Variants in PHKA2 observed in about 807,000 individuals in gnomAD.
The protein encoded by PHKA2 is phosphorylase b kinase regulatory subunit alpha, liver isoform.
A neutral mutation model predicts 102.0 loss-of-function variants in PHKA2; 31 were observed. The observed-to-expected ratio is 0.30, with a 90% confidence interval of 0.23 to 0.41. PHKA2 has a LOEUF of 0.41. Among genes scored for constraint, PHKA2 ranks in the 10% least tolerant of loss-of-function variants. The probability of loss-of-function intolerance (pLI) is 1.00; values close to 1 mark genes in which losing one functional copy is unlikely to be tolerated. For missense variants in PHKA2, 858 were observed against 1,023.1 expected, an observed-to-expected ratio of 0.84 and a Z score of 2.20; for synonymous variants, 455 against 416.2, an observed-to-expected ratio of 1.09 and a Z score of -1.13.
intron 1 of PHKA2, among the ~76,000 whole-genome samples, chrX:18,983,504 G>A (rs1309280935): frequency 8.9e-6 from 1 of 112,217 alleles, no homozygotes; most frequent in African/African-American, 3.2e-5. Flanking sequence ...CCTGTCTACT[G>A]TTCTCATTCA....
chrX:18,958,547 C>T (rs1355308082), intron 1 of PHKA2, among the ~76,000 whole-genome samples: 2 of 108,132 alleles, frequency 1.8e-5, no homozygotes, highest in Non-Finnish European at 3.8e-5. Context: ...TTTTGTCAGT[C>T]TGATGGATGT....
At chrX:18,936,561 A>G (rs1407796977) in intron 10 of PHKA2, among the ~76,000 whole-genome samples, 2 of 112,401 alleles carry the variant, frequency 1.8e-5, no homozygotes, top group Non-Finnish European at 3.8e-5. Flanking sequence ...TTGTCTCAGT[A>G]ACCGGATTAT....
At chrX:18,958,941 C>G (rs1396335317) in intron 1 of PHKA2, among the ~76,000 whole-genome samples, 2 of 111,948 alleles carry the variant, frequency 1.8e-5, no homozygotes, top group Non-Finnish European at 3.8e-5. Flanking sequence ...AACTCCTGAC[C>G]TCAAGTGATC....
At chrX:18,906,464 G>C (rs1472626752) in intron 25 of PHKA2, 31 bp downstream of exon 25, 1 of 1,208,744 alleles carries the variant, frequency 8.3e-7, no homozygotes, top group Admixed American at 2.2e-5. Context: ...GTGGGGTGCG[G>C]CGGGAGCTGC....
chrX:18,942,864 A>T (rs1348336486), intron 7 of PHKA2, among the ~76,000 whole-genome samples: 1 of 108,466 alleles, frequency 9.2e-6, no homozygotes, highest in Non-Finnish European at 1.9e-5. Flanking sequence ...AAAAAAAAAA[A>T]ATAGACTATA....
At chrX:18,975,423 C>T (rs1199953126) in intron 1 of PHKA2, among the ~76,000 whole-genome samples, 4 of 111,850 alleles carry the variant, frequency 3.6e-5, no homozygotes, top group East Asian at 2.8e-4. Flanking sequence ...TCCCCAGCCA[C>T]GTGGAACTGT....
chrX:18,937,950 G>A (rs1041736727), intron 10 of PHKA2, among the ~76,000 whole-genome samples: 1 of 111,991 alleles, frequency 8.9e-6, no homozygotes, highest in Non-Finnish European at 1.9e-5. Flanking sequence ...GCTAAAGACA[G>A]CAAACCACTG....
At chrX:18,939,268 T>C (rs1352610697) in intron 9 of PHKA2, among the ~76,000 whole-genome samples, 1 of 111,357 alleles carries the variant, frequency 9.0e-6, no homozygotes, top group Non-Finnish European at 1.9e-5. Context: ...CTTGACCTCC[T>C]GGGCTCAAGT....
chrX:18,941,440 C>T, intron 8 of PHKA2, 89 bp downstream of exon 8: 3 of 831,781 alleles, frequency 3.6e-6, no homozygotes, highest in Non-Finnish European at 5.5e-6. Context: ...ATAAATCAAG[C>T]AATTAACCTC....
chrX:18,951,111 G>C lies in PHKA2; in HGVS notation c.447C>G (p.Thr149=), dbSNP rs145847640. 3 of 1,210,043 alleles carry C rather than the reference G, an allele frequency of 2.5e-6. No individual in the cohort carries two copies. The East Asian group carries it at 8.9e-5, about 36-fold the overall frequency. ...CCAGCAACCCCAGCTCACCTGAGGCGGTCATCTGGGCCAGGAACAGGAGGA... is the reference window on the plus strand; with the variant it reads ...CCAGCAACCCCAGCTCACCTGAGGCCGTCATCTGGGCCAGGAACAGGAGGA... ...SLFLLFLAQM[T]ASGLRIIFTL... is the part of the protein sequence containing the mutation. The change falls in exon 4 of 33, where the codon ACC becomes ACG. Residue 149 remains threonine, a synonymous_variant. Coordinates refer to ENST00000379942, the MANE Select transcript of PHKA2 (RefSeq NM_000292.3).
chrX:18,935,616 T>C (rs1306731953), intron 11 of PHKA2, among the ~76,000 whole-genome samples: 1 of 109,718 alleles, frequency 9.1e-6, no homozygotes, highest in Non-Finnish European at 1.9e-5. Flanking sequence ...GGCTTTTTTT[T>C]TTTTGAGATG....
rs748884082 is a variant in PHKA2, at chrX:18,918,842, T to C, written c.1976A>G (p.Glu659Gly). 4.1e-6 allele frequency: 5 copies of C among 1,208,811 alleles called. No homozygotes were observed. The highest frequency in any genetic ancestry group is 5.6e-6 in the Non-Finnish European group (5 of 894,429). Residue 659 changes from glutamate (E) to glycine (G), a missense_variant, in exon 19 of 33, where the codon GAA becomes GGA. Coordinates refer to ENST00000379942, the MANE Select transcript of PHKA2 (RefSeq NM_000292.3). The stretch of plus-strand genomic sequence containing the variant: ...AAGGTGGTTGATATAATGGTCAAGT[T>C]CGTCTTGGCTTTCTGTAATTGGACA... ...EDTCNQESQDELDHYINHLLQ... is the reference protein window; with the variant it reads ...EDTCNQESQDGLDHYINHLLQ...
At chrX:18,959,942 G>A (rs2048843785) in intron 1 of PHKA2, among the ~76,000 whole-genome samples, 2 of 111,193 alleles carry the variant, frequency 1.8e-5, no homozygotes, top group African/African-American at 3.3e-5. Flanking sequence ...AGAGACAGAG[G>A]AGCCTAATAG....
intron 28 of PHKA2, among the ~76,000 whole-genome samples, chrX:18,899,876 C>T (rs2047645697): frequency 9.0e-6 from 1 of 111,546 alleles, no homozygotes; most frequent in Non-Finnish European, 1.9e-5. Context: ...AAAGTTTGTA[C>T]TAGCTAGGTG....
In PHKA2 at chrX:18,908,028, CAG is replaced by C; in HGVS notation, c.2387_2388del (p.Ser796TrpfsTer13). On this transcript the variant is annotated frameshift_variant, in exon 22 of 33. Coordinates refer to ENST00000379942, the MANE Select transcript of PHKA2 (RefSeq NM_000292.3). LOFTEE classifies it high-confidence loss of function. ...IKGPSWDTNL[S>X]GQHGVTVQNL... ...TTTTGAACGGTGACCCCGTGCTGTC[CAG>C]AGAGATTTGTGTCCCAGCTGGGACC... 1 of 1,211,478 alleles carries C rather than the reference CAG, an allele frequency of 8.3e-7. No individual in the cohort carries two copies. The highest frequency in any genetic ancestry group is 1.1e-6 in the Non-Finnish European group (1 of 895,168).
intron 11 of PHKA2, 40 bp from the exon 12 acceptor site, chrX:18,931,788 A>G (rs2048319965): frequency 4.3e-6 from 4 of 920,470 alleles, no homozygotes; most frequent in Non-Finnish European, 6.3e-6. Flanking sequence ...AAGTCAGAGG[A>G]TAAAATGGCC....
intron 15 of PHKA2, among the ~76,000 whole-genome samples, chrX:18,925,275 T>C (rs780278183): frequency 8.9e-6 from 1 of 112,646 alleles, no homozygotes; most frequent in South Asian, 3.7e-4. Context: ...GTAAGTTCCA[T>C]GAGTACATTC....
In PHKA2 at chrX:18,897,149, G is replaced by T; in HGVS notation, c.3282+14C>A. Reference sequence around the variant, plus strand: ...GGACGGTTCACTTCCCCAGGAGCTCGCGTCTCGGCTTACCTTCTGGAGGAT... The same window carrying T: ...GGACGGTTCACTTCCCCAGGAGCTCTCGTCTCGGCTTACCTTCTGGAGGAT... On this transcript the variant is annotated intron_variant, in intron 30 of 32. Coordinates refer to ENST00000379942, the MANE Select transcript of PHKA2 (RefSeq NM_000292.3). 8.3e-7 allele frequency: 1 copy of T among 1,209,744 alleles called. No individual in the cohort carries two copies.
At chrX:18,939,743 T>A (rs1277305259) in intron 9 of PHKA2, among the ~76,000 whole-genome samples, 1 of 112,037 alleles carries the variant, frequency 8.9e-6, no homozygotes, top group Non-Finnish European at 1.9e-5. Context: ...TCCGCCCACC[T>A]TGGCCTCCCA....
Sources: gnomAD v4.1 joint callset for allele counts (sites outside exome capture counted in the v4.1 genomes callset) on GRCh38, gnomAD v4.1.1 for gene constraint, MANE v1.5 for transcripts, NCBI Gene and HGNC (gene_info 2026-07-23, HGNC 2026-07-21) for gene names.